The following ADGB variants were observed in gnomAD, a reference collection of about 807,000 sequenced individuals.
The protein encoded by ADGB is androglobin, also known as calpain-7-like protein.
A neutral mutation model predicts 210.5 loss-of-function variants in ADGB; 172 were observed. The ratio of observed to expected loss-of-function variants is 0.82; its 90% CI spans 0.72 to 0.93. The LOEUF (loss-of-function observed/expected upper bound fraction) is 0.93. Ranked by LOEUF, ADGB falls within the 40% of genes least tolerant of loss-of-function variation. The pLI is 0.00. For synonymous variants in ADGB, 658 were observed against 662.7 expected, an observed-to-expected ratio of 0.99 and a Z score of 0.11; for missense variants, 2,025 against 1,964.8, an observed-to-expected ratio of 1.03 and a Z score of -0.58.
intron 9 of ADGB, among the ~76,000 whole-genome samples, chr6:146,682,545 G>A (rs1335211159): frequency 2.6e-5 from 4 of 152,000 alleles, no homozygotes; most frequent in Non-Finnish European, 5.9e-5. Context: ...ATATGCAGCT[G>A]TGCTAATTCA....
chr6:146,664,532 A>C (rs868125872), intron 6 of ADGB, 192 bp downstream of exon 6: 1 of 487,806 alleles, frequency 2.0e-6, no homozygotes, highest in African/African-American at 2.0e-5. Context: ...ACAATAATGC[A>C]AAATTCCTCC....
intron 29 of ADGB, 150 bp from the exon 30 acceptor site, chr6:146,781,870 T>C: frequency 2.0e-6 from 1 of 507,440 alleles, no homozygotes; most frequent in Non-Finnish European, 3.2e-6. Context: ...TGAAAACGAG[T>C]CCAACAGGCC....
At position 146,788,461 on chromosome 6, in the gene ADGB, C is replaced by T. The variant is rs1262729565; in HGVS notation, c.4388C>T (p.Thr1463Ile). The T allele has an allele frequency of 1.3e-6, 2 of 1,551,478 alleles. No individual in the cohort carries two copies. The highest frequency in any genetic ancestry group is 4.9e-5 in the East Asian group (2 of 40,930). ...NSAGSESKEM[T>I]QTGSGSAVWK... The stretch of plus-strand genomic sequence containing the variant: ...GCAGGTTCAGAGAGCAAAGAGATGA[C>T]ACAAACAGGATCAGGGAGTGCGGTG... The change falls in exon 33 of 36, where the codon ACA (threonine) becomes ATA (isoleucine). Residue 1463 changes from threonine (T) to isoleucine (I), a missense_variant. Transcript: ENST00000397944.
At chr6:146,763,003 T>C (rs146066375) in intron 27 of ADGB, among the ~76,000 whole-genome samples, 5 of 152,310 alleles carry the variant, frequency 3.3e-5, no homozygotes, top group Non-Finnish European at 5.9e-5. Context: ...TAACTGCTCA[T>C]ATACTCCCTT....
intron 33 of ADGB, among the ~76,000 whole-genome samples, chr6:146,794,944 T>C (rs1007855405): frequency 4.6e-5 from 7 of 152,084 alleles, no homozygotes; most frequent in African/African-American, 1.7e-4. Flanking sequence ...TACATAAAGG[T>C]CTCCTTGTCA....
At chr6:146,716,534 A>C (rs889328092) in intron 14 of ADGB, among the ~76,000 whole-genome samples, 1 of 113,782 alleles carries the variant, frequency 8.8e-6, no homozygotes, top group Non-Finnish European at 1.5e-5. Flanking sequence ...CGGAGCTTGC[A>C]GTGAGCCGAG....
intron 26 of ADGB, 82 bp from the exon 27 acceptor site, chr6:146,752,448 C>A: frequency 7.9e-7 from 1 of 1,273,566 alleles, no homozygotes; most frequent in Non-Finnish European, 1.1e-6. Flanking sequence ...TGGGCAGGGA[C>A]ATATATCCAA....
intron 9 of ADGB, among the ~76,000 whole-genome samples, chr6:146,678,958 C>A (rs1163428201): frequency 1.3e-5 from 2 of 152,040 alleles, no homozygotes; most frequent in East Asian, 3.9e-4. Flanking sequence ...TTGAAGAGAC[C>A]CATTCTCCTT....
intron 12 of ADGB, among the ~76,000 whole-genome samples, chr6:146,696,377 G>T (rs1776403568): frequency 1.3e-5 from 2 of 149,564 alleles, no homozygotes; most frequent in Admixed American, 1.3e-4. Context: ...TGCCCAGCCA[G>T]AAATACTTAT....
intron 1 of ADGB, among the ~76,000 whole-genome samples, chr6:146,608,089 C>T (rs560586238): frequency 6.6e-6 from 1 of 152,142 alleles, no homozygotes; most frequent in East Asian, 1.9e-4. Context: ...TGTCATCGGT[C>T]TTTTCAGGAT....
At chr6:146,622,386 C>T (rs766652817) in intron 1 of ADGB, among the ~76,000 whole-genome samples, 3 of 150,980 alleles carry the variant, frequency 2.0e-5, no homozygotes, top group Admixed American at 1.3e-4. Context: ...AGCTCATTTA[C>T]GTTTTTATGA....
chr6:146,797,096 A>T (rs903823073), intron 33 of ADGB, among the ~76,000 whole-genome samples: 1 of 152,230 alleles, frequency 6.6e-6, no homozygotes, highest in Non-Finnish European at 1.5e-5. Context: ...ATATGAAAAA[A>T]TGCTCAACAT....
chr6:146,607,517 G>A (rs758060978), intron 1 of ADGB, among the ~76,000 whole-genome samples: 1 of 151,966 alleles, frequency 6.6e-6, no homozygotes, highest in Non-Finnish European at 1.5e-5. Context: ...TCAGTATAAC[G>A]CTGGCTGTAG....
chr6:146,698,962 G>A (rs991534358), intron 12 of ADGB, among the ~76,000 whole-genome samples: 9 of 151,946 alleles, frequency 5.9e-5, no homozygotes, highest in Non-Finnish European at 8.8e-5. Context: ...TTCAACGTCC[G>A]AATTTTGGAG....
intron 1 of ADGB, among the ~76,000 whole-genome samples, chr6:146,630,000 G>T (rs886496981): frequency 1.3e-5 from 2 of 152,156 alleles, no homozygotes; most frequent in Admixed American, 6.5e-5. Context: ...ACTTTGGGAG[G>T]CTGAGGCAGG....
At chr6:146,724,916 A>G (rs913627753) in intron 18 of ADGB, 5 of 152,198 alleles carry the variant, frequency 3.3e-5, no homozygotes, top group African/African-American at 1.2e-4. Flanking sequence ...ATTACCTCAA[A>G]TTTCAGAAGA....
At chr6:146,671,940 G>A (rs912864222) in intron 7 of ADGB, among the ~76,000 whole-genome samples, 1 of 152,078 alleles carries the variant, frequency 6.6e-6, no homozygotes, top group African/African-American at 2.4e-5. Flanking sequence ...CCCTGTCCTG[G>A]CTGTTAACGT....
chr6:146,660,404 T>A (rs1208991989), intron 5 of ADGB, among the ~76,000 whole-genome samples: 1 of 152,166 alleles, frequency 6.6e-6, no homozygotes, highest in Non-Finnish European at 1.5e-5. Flanking sequence ...TTCCCCGTAA[T>A]TTTACCATAT....
intron 2 of ADGB, among the ~76,000 whole-genome samples, chr6:146,640,016 G>A (rs910691771): frequency 6.6e-6 from 1 of 151,802 alleles, no homozygotes; most frequent in Non-Finnish European, 1.5e-5. Context: ...CCACTAGCTA[G>A]GCTAATAACA....
Sources: allele counts gnomAD v4.1 joint callset (sites outside exome capture counted in the v4.1 genomes callset), GRCh38; gene constraint gnomAD v4.1.1; transcripts MANE v1.5; gene names NCBI Gene and HGNC (gene_info 2026-07-23, HGNC 2026-07-21).